SLCO3A1: variants seen among roughly 807,000 people sequenced by gnomAD.
The protein encoded by SLCO3A1 is solute carrier organic anion transporter family member 3A1.
In SLCO3A1, 27 loss-of-function variants were observed where a neutral mutation model predicts 63.1. The ratio of observed to expected loss-of-function variants is 0.43; its 90% CI spans 0.32 to 0.59. SLCO3A1 has a LOEUF of 0.59. Ranked by LOEUF, SLCO3A1 falls within the 20% of genes least tolerant of loss-of-function variation. The pLI, the probability that SLCO3A1 is intolerant of heterozygous loss-of-function variation, is 0.09. For synonymous variants in SLCO3A1, 473 were observed against 409.9 expected, an observed-to-expected ratio of 1.15 and a Z score of -1.86; for missense variants, 773 against 945.8, an observed-to-expected ratio of 0.82 and a Z score of 2.40.
At chr15:91,926,600 C>T (rs867606128) in intron 2 of SLCO3A1, among the ~76,000 whole-genome samples, 341 of 26,756 alleles carry the variant, frequency 0.013, 4 homozygotes, top group African/African-American at 0.063. Context: ...TGTGTGTGCG[C>T]GCGCGCACGC....
intron 2 of SLCO3A1, among the ~76,000 whole-genome samples, chr15:92,046,164 T>C (rs1455897632): frequency 1.3e-5 from 2 of 152,106 alleles, no homozygotes; most frequent in Non-Finnish European, 2.9e-5. Context: ...GTATCTACAG[T>C]GTCAGATTGT....
Position 92,164,178 on chromosome 15 carries a change from T to C in SLCO3A1, c.*1043T>C. The C allele has an allele frequency of 1.0e-6, 1 of 985,296 alleles. No homozygotes were observed. Among genetic ancestry groups the C allele is most frequent in the Non-Finnish European group, 1.2e-6 (1 of 829,796 alleles). The allele number at this position is 985,296 out of a possible 1,614,324, so 61.0% of individuals were successfully genotyped here. On this transcript the variant is annotated 3_prime_UTR_variant, in exon 10 of 10. Coordinates refer to ENST00000318445, the MANE Select transcript of SLCO3A1 (RefSeq NM_013272.4). ...AGGCCGGATTTATTATGCTGGTTGC[T>C]TTTACTTTTTTTCTCCTTTTTTAAT... is the stretch of plus-strand genomic sequence containing the variant.
rs772434157 is a variant in SLCO3A1 at position 91,916,299 on chromosome 15, C to A, written c.487C>A (p.Pro163Thr). The A allele has an allele frequency of 2.0e-5, 32 of 1,565,854 alleles. No homozygotes were observed. Among genetic ancestry groups the A allele is most frequent in the Non-Finnish European group, 2.3e-5 (27 of 1,157,084 alleles). Reference sequence around the variant, plus strand: ...CTCGGGCGGCGACGAGGGGCCCGACCCCGACCTCATCTGCCGCAACCGGAC... The same window carrying A: ...CTCGGGCGGCGACGAGGGGCCCGACACCGACCTCATCTGCCGCAACCGGAC... ...NGSGGDEGPD[P>T]DLICRNRTAT... is the part of the protein sequence containing the mutation. The change falls in exon 2 of 10, where the codon CCC (proline) becomes ACC (threonine). Residue 163 changes from proline to threonine, a missense_variant. By Grantham distance (38) the Pro-to-Thr change is conservative (BLOSUM62 -1). This residue lies in a region of SLCO3A1 where 565 missense variants were observed against 749.8 expected (regional missense o/e 0.75). Coordinates refer to ENST00000318445, the MANE Select transcript of SLCO3A1 (RefSeq NM_013272.4). This position sits in a 1 kb window ranked among gnomAD's most constrained non-coding sequence, Gnocchi z 6.2.
intron 3 of SLCO3A1, among the ~76,000 whole-genome samples, chr15:92,100,167 G>A (rs1266600344): frequency 2.1e-5 from 3 of 139,984 alleles, no homozygotes; most frequent in Non-Finnish European, 4.9e-5. Context: ...TCCAAGCTGT[G>A]CCTGGCTTCA....
At chr15:91,858,281 C>T (rs1243501660) in intron 1 of SLCO3A1, among the ~76,000 whole-genome samples, 1 of 152,124 alleles carries the variant, frequency 6.6e-6, no homozygotes, top group Non-Finnish European at 1.5e-5. Flanking sequence ...TTTATTTAAT[C>T]AAATTATTTT....
chr15:92,044,292 G>A (rs776499089), intron 2 of SLCO3A1, among the ~76,000 whole-genome samples: 17 of 152,002 alleles, frequency 1.1e-4, no homozygotes, highest in Non-Finnish European at 2.2e-4. Flanking sequence ...TGTACCCCCC[G>A]AAACCAATTT....
Position 92,164,815 on chromosome 15 carries a change from G to A in SLCO3A1, c.*1680G>A. ...AAACCTCTCGCAACCAGCACACTAG[G>A]CCTTCTACGGCCATTTCTGTAAGGG... On this transcript the variant is annotated 3_prime_UTR_variant, in exon 10 of 10. Coordinates refer to ENST00000318445, the MANE Select transcript of SLCO3A1 (RefSeq NM_013272.4). 1 of 985,376 alleles carries A rather than the reference G, an allele frequency of 1.0e-6. No homozygotes were observed. The highest frequency in any genetic ancestry group is 1.2e-6 in the Non-Finnish European group (1 of 829,932). The allele number at this position is 985,376 out of a possible 1,614,324, so 61.0% of individuals were successfully genotyped here. A position where few individuals can be genotyped will look rare whatever the true frequency, so the allele number is the denominator to read the frequency against.
chr15:92,103,105 G>C (rs1310067071), intron 3 of SLCO3A1, among the ~76,000 whole-genome samples: 1 of 152,186 alleles, frequency 6.6e-6, no homozygotes, highest in Non-Finnish European at 1.5e-5. Flanking sequence ...TCTTCAGGGA[G>C]AACATTTTAT....
chr15:92,143,115 A>C (rs28480636), intron 7 of SLCO3A1, among the ~76,000 whole-genome samples: 69,321 of 149,902 alleles, frequency 0.46, 16,235 homozygotes, highest in Admixed American at 0.53. Context: ...GAATTGAGGG[A>C]TTCCTGGGGT....
At chr15:91,928,690 A>G (rs552833793) in intron 2 of SLCO3A1, among the ~76,000 whole-genome samples, 1 of 152,356 alleles carries the variant, frequency 6.6e-6, no homozygotes, top group East Asian at 1.9e-4. Context: ...TTTCTAGGCC[A>G]GGAGACGTCT....
intron 2 of SLCO3A1, among the ~76,000 whole-genome samples, chr15:91,981,882 C>G (rs1033009819): frequency 5.9e-5 from 9 of 152,238 alleles, no homozygotes; most frequent in Non-Finnish European, 1.2e-4. Context: ...ATGTACAACC[C>G]GTTGCCCAAA....
chr15:92,046,912 C>G (rs578252352), intron 2 of SLCO3A1, among the ~76,000 whole-genome samples: 44 of 140,072 alleles, frequency 3.1e-4, no homozygotes, highest in African/African-American at 1.2e-3. Context: ...TTCTAATGAG[C>G]TCCTGGGGGA....
Position 91,854,288 on chromosome 15 carries a change from G to A in SLCO3A1, c.180+200G>A, listed in dbSNP as rs1010755356. On this transcript the variant is annotated intron_variant, in intron 1 of 9. Coordinates refer to ENST00000318445, the MANE Select transcript of SLCO3A1 (RefSeq NM_013272.4). This position sits in a 1 kb window ranked among gnomAD's most constrained non-coding sequence, Gnocchi z 6.4. ...CTGCCAGCGAGCGGGTAGCGGGCGG[G>A]ACCGTTGATGCCGGTAGCAGCTCGC... 2 of 1,150,716 alleles carry A rather than the reference G, an allele frequency of 1.7e-6. No individual in the cohort carries two copies. The highest frequency in any genetic ancestry group is 2.1e-6 in the Non-Finnish European group (2 of 934,098). 71.3% of individuals were successfully genotyped at this position (1,150,716 alleles called of 1,614,324 possible).
intron 2 of SLCO3A1, among the ~76,000 whole-genome samples, chr15:91,925,272 A>C (rs1007091737): frequency 7.9e-5 from 12 of 152,226 alleles, no homozygotes; most frequent in African/African-American, 2.9e-4. Flanking sequence ...TACAAGAAGC[A>C]TTCTGTGAGA....
At chr15:92,080,883 A>AT (rs1026053146) in intron 2 of SLCO3A1, among the ~76,000 whole-genome samples, 13 of 148,750 alleles carry the variant, frequency 8.7e-5, no homozygotes, top group African/African-American at 2.5e-4. Flanking sequence ...GCCCAGATGC[A>AT]TTTTTTTTGG....
chr15:92,089,516 T>G (rs956691415), intron 2 of SLCO3A1, among the ~76,000 whole-genome samples: 2 of 152,238 alleles, frequency 1.3e-5, no homozygotes, highest in African/African-American at 4.8e-5. Context: ...TCATCTGTTT[T>G]GTTCACTGCT....
At chr15:91,958,658 C>G (rs548293325) in intron 2 of SLCO3A1, among the ~76,000 whole-genome samples, 1 of 152,170 alleles carries the variant, frequency 6.6e-6, no homozygotes, top group East Asian at 1.9e-4. Flanking sequence ...ACAGCTTTAC[C>G]AAGATAAAAT....
At position 92,165,352 on chromosome 15, in the gene SLCO3A1, G is replaced by A. The variant is rs1325320866; in HGVS notation, c.*2217G>A. The A allele has an allele frequency of 2.0e-6, 2 of 985,058 alleles. No individual in the cohort carries two copies. The highest frequency in any genetic ancestry group is 3.5e-5 in the African/African-American group (2 of 57,196). The allele number at this position is 985,058 out of a possible 1,614,324, so 61.0% of individuals were successfully genotyped here. A position where few individuals can be genotyped will look rare whatever the true frequency, so the allele number is the denominator to read the frequency against. Reference sequence around the variant, plus strand: ...ATATGTATGTTCTGTTGTTCCTAAGGCTTTGATAATATCCTGTACAGATTT... The same window carrying A: ...ATATGTATGTTCTGTTGTTCCTAAGACTTTGATAATATCCTGTACAGATTT... On this transcript the variant is annotated 3_prime_UTR_variant, in exon 10 of 10. Transcript: ENST00000318445.
rs141620102 is a variant in SLCO3A1 at position 92,157,598 on chromosome 15, C to T, written c.1754-5158C>T. The stretch of plus-strand genomic sequence containing the variant: ...CTCTGCCTCCCAGGTTCAAGCGATT[C>T]TCCTGCCTCAGCCTCCCGGGTACAT... On this transcript the variant is annotated intron_variant, in intron 9 of 9. Transcript: ENST00000318445. Among the ~76,000 whole-genome samples, 260 of 151,558 alleles carry T rather than the reference C, an allele frequency of 1.7e-3. 1 individual carries two copies. The highest frequency in any genetic ancestry group is 6.0e-3 in the African/African-American group (248 of 41,272).
Sources: gnomAD v4.1 joint callset for allele counts (sites outside exome capture counted in the v4.1 genomes callset) on GRCh38, gnomAD v4.1.1 for gene constraint, gnomAD v4.1.1 regional missense constraint, Gnocchi (gnomAD v3.1) non-coding constraint, MANE v1.5 for transcripts, NCBI Gene and HGNC (gene_info 2026-07-23, HGNC 2026-07-21) for gene names.